ZFHX3: variants seen among roughly 807,000 people sequenced by gnomAD.
The protein encoded by ZFHX3 is zinc finger homeobox 3, also known as zinc finger homeobox protein 3.
Under a neutral mutation model 279.1 loss-of-function variants are expected in ZFHX3, and 42 were observed. The ratio of observed to expected loss-of-function variants is 0.15; its 90% CI spans 0.12 to 0.19. The LOEUF (loss-of-function observed/expected upper bound fraction) is 0.19, where lower values mean the gene tolerates loss of function less well. ZFHX3 is among the 10% of genes least tolerant of loss of function. The pLI, the probability that ZFHX3 is intolerant of heterozygous loss-of-function variation, is 1.00. For missense variants in ZFHX3, 4,981 were observed against 4,754.0 expected (o/e 1.05, Z -1.40); for synonymous variants, 2,293 against 1,957.8 (o/e 1.17, Z -4.52).
intron 3 of ZFHX3, among the ~76,000 whole-genome samples, chr16:73,435,012 C>T (rs1369731183): frequency 6.6e-6 from 1 of 152,052 alleles, no homozygotes; most frequent in African/African-American, 2.4e-5. Flanking sequence ...TACATGTTAT[C>T]AGTGATATTA....
chr16:73,320,141 C>T (rs1416791695), intron 3 of ZFHX3, among the ~76,000 whole-genome samples: 1 of 152,174 alleles, frequency 6.6e-6, no homozygotes, highest in Non-Finnish European at 1.5e-5. Context: ...AAGAAAGACC[C>T]TCAGTTCTGT....
intron 1 of ZFHX3, among the ~76,000 whole-genome samples, chr16:73,695,937 G>A (rs1054373414): frequency 2.0e-5 from 3 of 152,192 alleles, no homozygotes; most frequent in Non-Finnish European, 4.4e-5. Context: ...AAAGGAGAGG[G>A]GGTAAGGGAG....
rs895663143 is a variant in ZFHX3 at position 72,785,577 on chromosome 16, C to G, written c.*1587G>C. The stretch of plus-strand genomic sequence containing the variant: ...TTCTCAAGTAACAAGAACCCTTTCC[C>G]TTTTTTCTGCATCAGCAGTGAAAGG... On this transcript the variant is annotated 3_prime_UTR_variant, in exon 10 of 10. Coordinates refer to ENST00000268489, the MANE Select transcript of ZFHX3 (RefSeq NM_006885.4). 1.3e-5 allele frequency: 2 copies of G among 152,420 alleles called. No individual in the cohort carries two copies. The highest frequency in any genetic ancestry group is 2.9e-5 in the Non-Finnish European group (2 of 68,010). The allele number at this position is 152,420 out of a possible 1,614,324, so 9.4% of individuals were successfully genotyped here.
In ZFHX3 at chr16:73,442,988, G is replaced by A. The variant is rs185304118; in HGVS notation, c.-1291+13015C>T. Among the ~76,000 whole-genome samples the A allele has an allele frequency of 4.5e-3, 681 of 152,212 alleles. 7 individuals carry two copies. Among genetic ancestry groups the A allele is most frequent in the Non-Finnish European group, 7.8e-3 (531 of 68,008 alleles). Reference sequence around the variant, plus strand: ...GCTGTCCAATTTCCTCTTCTTCTAAGGACACCAGTGATATTGGATTAGGGC... The same window carrying A: ...GCTGTCCAATTTCCTCTTCTTCTAAAGACACCAGTGATATTGGATTAGGGC... On this transcript the variant is annotated intron_variant, in intron 3 of 17. Transcript: ENST00000641206.
intron 2 of ZFHX3, among the ~76,000 whole-genome samples, chr16:73,643,886 C>T (rs1044187522): frequency 3.7e-4 from 57 of 152,198 alleles, no homozygotes; most frequent in Non-Finnish European, 8.8e-5. Context: ...TCTCTCCTTG[C>T]TTGCATATTT....
At chr16:72,931,721 G>C (rs1959818688) in intron 3 of ZFHX3, among the ~76,000 whole-genome samples, 1 of 152,128 alleles carries the variant, frequency 6.6e-6, no homozygotes, top group Non-Finnish European at 1.5e-5. Flanking sequence ...CACAAGCAAG[G>C]ACACTGATGT....
chr16:73,563,411 C>T (rs1365748435), intron 2 of ZFHX3, among the ~76,000 whole-genome samples: 4 of 151,900 alleles, frequency 2.6e-5, no homozygotes, highest in Admixed American at 6.6e-5. Context: ...CACGCGCCAC[C>T]ATGCCCGGCT....
chr16:72,847,332 G>T (rs1449520096), intron 4 of ZFHX3, among the ~76,000 whole-genome samples: 2 of 152,264 alleles, frequency 1.3e-5, no homozygotes, highest in South Asian at 2.1e-4. Context: ...CTAGTGACAC[G>T]CAGACCTCTC....
At chr16:73,778,947 C>T (rs1959355738) in intron 1 of ZFHX3, among the ~76,000 whole-genome samples, 1 of 152,176 alleles carries the variant, frequency 6.6e-6, no homozygotes, top group African/African-American at 2.4e-5. Context: ...ATGGAAAATG[C>T]ACAAGTGAGT....
chr16:73,390,066 AT>A (rs1325093526), intron 3 of ZFHX3, among the ~76,000 whole-genome samples: 1 of 152,172 alleles, frequency 6.6e-6, no homozygotes, highest in African/African-American at 2.4e-5. Flanking sequence ...TCTCAAAAAA[AT>A]AAATAAAAAA....
intron 5 of ZFHX3, among the ~76,000 whole-genome samples, chr16:73,233,274 G>A (rs1235049804): frequency 3.3e-5 from 5 of 152,090 alleles, no homozygotes; most frequent in African/African-American, 1.2e-4. Flanking sequence ...AGAGTCCAGA[G>A]GAAAGAGCTA....
rs1961499201 is a variant in ZFHX3, at chr16:72,960,057, G to A, written c.89C>T (p.Thr30Ile). The A allele has an allele frequency of 1.2e-6, 2 of 1,614,056 alleles. No individual in the cohort carries two copies. Among genetic ancestry groups the A allele is most frequent in the Non-Finnish European group, 1.7e-6 (2 of 1,179,960 alleles). ...GCTACTGGGTTTGTCAGGGAGGTGG[G>A]TGCTGTTGAGTTCAGTCCATTGCTG... Reference protein sequence around the residue: ...QHQQWTELNSTHLPDKPSSME... With the variant: ...QHQQWTELNSIHLPDKPSSME... Residue 30 changes from threonine to isoleucine, a missense_variant, in exon 2 of 10, where the codon ACC (threonine) becomes ATC (isoleucine). By Grantham distance (89) the Thr-to-Ile change is moderately conservative (BLOSUM62 -1). This residue lies in a region of ZFHX3 where 1,068 missense variants were observed against 935.2 expected (regional missense o/e 1.14). Transcript: ENST00000268489.
intron 2 of ZFHX3, among the ~76,000 whole-genome samples, chr16:73,508,448 G>A (rs1390385471): frequency 2.0e-5 from 3 of 152,158 alleles, no homozygotes; most frequent in Non-Finnish European, 4.4e-5. Flanking sequence ...TACCACCATG[G>A]AATACTCCAT....
intron 1 of ZFHX3, among the ~76,000 whole-genome samples, chr16:73,001,904 C>T (rs926158873): frequency 9.2e-5 from 14 of 152,150 alleles, no homozygotes; most frequent in Non-Finnish European, 2.9e-5. Context: ...GACTGACTCT[C>T]TCTAGCCACC....
intron 2 of ZFHX3, among the ~76,000 whole-genome samples, chr16:73,592,209 GGCGACA>G (rs1247939105): frequency 6.6e-6 from 1 of 152,152 alleles, no homozygotes; most frequent in Non-Finnish European, 1.5e-5. Context: ...CTCCAGCATG[GGCGACA>G]GAGTGAGACT....
At chr16:72,984,360 C>A (rs759678012) in intron 1 of ZFHX3, among the ~76,000 whole-genome samples, 9 of 152,214 alleles carry the variant, frequency 5.9e-5, no homozygotes, top group Admixed American at 2.0e-4. Context: ...GGTGCAGTGG[C>A]TCATGCCTAT....
At chr16:73,477,560 A>G (rs1051023802) in intron 2 of ZFHX3, among the ~76,000 whole-genome samples, 1 of 152,154 alleles carries the variant, frequency 6.6e-6, no homozygotes, top group Non-Finnish European at 1.5e-5. Context: ...ATGGACCAAT[A>G]TTTTCCTGCA....
At chr16:72,932,643 T>C (rs1158136802) in intron 3 of ZFHX3, among the ~76,000 whole-genome samples, 1 of 128,564 alleles carries the variant, frequency 7.8e-6, no homozygotes, top group Non-Finnish European at 1.6e-5. Flanking sequence ...TCCATCTCCC[T>C]GCTCCGCACC....
At position 72,960,194 on chromosome 16, in the gene ZFHX3, C is replaced by T. The variant is rs780275419; in HGVS notation, c.-49G>A. On this transcript the variant is annotated splice_region_variant and 5_prime_UTR_variant, in exon 2 of 10. Transcript: ENST00000268489. ...ATTGCACCCAGTACGGAGGCTCGGA[C>T]CTGAAGGGCAGAGGCAAGGGGGGAG... The T allele has an allele frequency of 6.7e-7, 1 of 1,483,392 alleles. No individual in the cohort carries two copies. Among genetic ancestry groups the T allele is most frequent in the Non-Finnish European group, 9.0e-7 (1 of 1,114,408 alleles). 91.9% of individuals were successfully genotyped at this position (1,483,392 alleles called of 1,614,324 possible).
Sources: gnomAD v4.1 joint callset for allele counts (sites outside exome capture counted in the v4.1 genomes callset) on GRCh38, gnomAD v4.1.1 for gene constraint, gnomAD v4.1.1 regional missense constraint, MANE v1.5 for transcripts, NCBI Gene and HGNC (gene_info 2026-07-23, HGNC 2026-07-21) for gene names.